Variants in ANKRD12 observed in about 807,000 individuals in gnomAD.
ANKRD12 encodes the protein ankyrin repeat domain 12.
Under a neutral mutation model 183.4 loss-of-function variants are expected in ANKRD12, and 85 were observed. The observed-to-expected ratio is 0.46, with a 90% CI of 0.39 to 0.56. The LOEUF (loss-of-function observed/expected upper bound fraction) is 0.56. ANKRD12 is among the 20% of genes least tolerant of loss of function. The pLI is 0.00. For missense variants in ANKRD12, 2,405 were observed against 2,357.1 expected, an observed-to-expected ratio of 1.02 and a Z score of -0.42; for synonymous variants, 914 against 800.2, an observed-to-expected ratio of 1.14 and a Z score of -2.40.
At chr18:9,157,516 TA>T (rs1462789422) in intron 1 of ANKRD12, among the ~76,000 whole-genome samples, 1 of 151,354 alleles carries the variant, frequency 6.6e-6, no homozygotes, top group African/African-American at 2.4e-5. Flanking sequence ...TGTATTTAAA[TA>T]TAGTTAAAAT....
At chr18:9,264,420 C>T (rs971481667) in intron 10 of ANKRD12, among the ~76,000 whole-genome samples, 1 of 152,140 alleles carries the variant, frequency 6.6e-6, no homozygotes, top group African/African-American at 2.4e-5. Context: ...TTGAGGACCT[C>T]TGAAAATGTG....
At chr18:9,190,044 G>C (rs935170754) in intron 2 of ANKRD12, among the ~76,000 whole-genome samples, 1 of 152,198 alleles carries the variant, frequency 6.6e-6, no homozygotes, top group African/African-American at 2.4e-5. Flanking sequence ...ATCTTGAAAG[G>C]ATTCACCATT....
chr18:9,254,310 T>A lies in ANKRD12; in HGVS notation c.1043T>A (p.Leu348His). 6.2e-7 allele frequency: 1 copy of A among 1,612,842 alleles called. No individual in the cohort carries two copies. The highest frequency in any genetic ancestry group is 8.5e-7 in the Non-Finnish European group (1 of 1,179,442). ...CTCATCTGTGAAAGTAAACAGATAC[T>A]TCCCAGTAAAACACCTCTTCCATCT... is the stretch of plus-strand genomic sequence containing the variant. ...DSLICESKQILPSKTPLPSAL... is the reference protein window; with the variant it reads ...DSLICESKQIHPSKTPLPSAL... The change falls in exon 9 of 13, where the codon CTT (leucine) becomes CAT (histidine). Residue 348 changes from leucine (L) to histidine (H), a missense_variant. By Grantham distance (99) the Leu-to-His change is moderately conservative. Around this residue, in one of 7 missense-constraint regions of ANKRD12, gnomAD observed 1,983 missense variants for 1,725.9 expected, o/e 1.15. Transcript: ENST00000262126.
At chr18:9,279,025 A>G (rs2039983460) in intron 11 of ANKRD12, among the ~76,000 whole-genome samples, 1 of 152,130 alleles carries the variant, frequency 6.6e-6, no homozygotes, top group South Asian at 2.1e-4. Context: ...AGTAAGATAC[A>G]GAGCTGGAAT....
chr18:9,260,856 C>CT (rs2038924432), intron 9 of ANKRD12, among the ~76,000 whole-genome samples: 1 of 152,178 alleles, frequency 6.6e-6, no homozygotes, highest in Admixed American at 6.5e-5. Context: ...TCCTTGGCTT[C>CT]TTTTTTGTAA....
chr18:9,238,399 A>G (rs928262662), intron 8 of ANKRD12, among the ~76,000 whole-genome samples: 2 of 152,220 alleles, frequency 1.3e-5, no homozygotes, highest in African/African-American at 4.8e-5. Flanking sequence ...TCAAACTTAC[A>G]TATTTGGCTG....
At chr18:9,171,192 C>G (rs147207383) in intron 1 of ANKRD12, among the ~76,000 whole-genome samples, 2 of 152,308 alleles carry the variant, frequency 1.3e-5, no homozygotes, top group East Asian at 3.9e-4. Context: ...TGTCAGATCT[C>G]AAGCTGTGTG....
chr18:9,195,491 T>C, intron 2 of ANKRD12, 60 bp from the exon 3 acceptor site: 1 of 1,304,366 alleles, frequency 7.7e-7, no homozygotes, highest in Middle Eastern at 2.6e-4. Context: ...CTTAGGGGTT[T>C]CTATACTGTA....
At chr18:9,213,228 A>C (rs1385770867) in intron 6 of ANKRD12, among the ~76,000 whole-genome samples, 1 of 151,908 alleles carries the variant, frequency 6.6e-6, no homozygotes, top group Non-Finnish European at 1.5e-5. Context: ...TACACCTGGA[A>C]TTTATGTCTT....
intron 10 of ANKRD12, among the ~76,000 whole-genome samples, chr18:9,265,163 G>A (rs2039213687): frequency 6.6e-6 from 1 of 152,254 alleles, no homozygotes; most frequent in Non-Finnish European, 1.5e-5. Flanking sequence ...GCAGCTCAAG[G>A]AGGCCTGCCT....
intron 1 of ANKRD12, among the ~76,000 whole-genome samples, chr18:9,156,137 C>CAA (rs34154495): frequency 0.024 from 2,452 of 103,982 alleles, 104 homozygotes; most frequent in African/African-American, 0.064. Flanking sequence ...GACTCTGTCT[C>CAA]AAAAAAAAAA....
chr18:9,203,299 T>C (rs180811366), intron 3 of ANKRD12, among the ~76,000 whole-genome samples: 1 of 152,316 alleles, frequency 6.6e-6, no homozygotes, highest in Admixed American at 6.5e-5. Flanking sequence ...TGTAAAATTT[T>C]CAAATACGAT....
intron 3 of ANKRD12, among the ~76,000 whole-genome samples, chr18:9,196,635 A>G (rs1416447186): frequency 6.6e-6 from 1 of 152,236 alleles, no homozygotes; most frequent in Non-Finnish European, 1.5e-5. Flanking sequence ...ATTCTATGCT[A>G]ACATAGCTTT....
At chr18:9,141,183 C>A (rs1449569938) in intron 1 of ANKRD12, among the ~76,000 whole-genome samples, 1 of 149,938 alleles carries the variant, frequency 6.7e-6, no homozygotes, top group Non-Finnish European at 1.5e-5. Context: ...AGGCCAGCAA[C>A]CCTTTTTATG....
intron 10 of ANKRD12, among the ~76,000 whole-genome samples, chr18:9,267,316 A>G (rs568993427): frequency 6.6e-6 from 1 of 152,324 alleles, no homozygotes; most frequent in East Asian, 1.9e-4. Context: ...AACAGAATAT[A>G]CATTCTTCTC....
chr18:9,186,883 C>G (rs952642444), intron 2 of ANKRD12, among the ~76,000 whole-genome samples: 1 of 151,630 alleles, frequency 6.6e-6, no homozygotes, highest in Non-Finnish European at 1.5e-5. Context: ...TCCCGAGTAG[C>G]TGGGACTACA....
chr18:9,278,421 G>A (rs922148112), intron 11 of ANKRD12, among the ~76,000 whole-genome samples: 10 of 152,172 alleles, frequency 6.6e-5, no homozygotes, highest in African/African-American at 2.4e-4. Flanking sequence ...AAATAAACTT[G>A]TAATACTTAA....
intron 8 of ANKRD12, among the ~76,000 whole-genome samples, chr18:9,241,209 G>T (rs529722378): frequency 3.3e-5 from 5 of 152,182 alleles, no homozygotes; most frequent in African/African-American, 1.2e-4. Context: ...GGTGTTTTTA[G>T]TATGTCCAAA....
At chr18:9,200,087 C>T (rs1261493994) in intron 3 of ANKRD12, among the ~76,000 whole-genome samples, 1 of 152,142 alleles carries the variant, frequency 6.6e-6, no homozygotes, top group East Asian at 1.9e-4. Flanking sequence ...TGAGAGATTC[C>T]TAGCCTTCAT....
Sources: gnomAD v4.1 joint callset for allele counts (sites outside exome capture counted in the v4.1 genomes callset) on GRCh38, gnomAD v4.1.1 for gene constraint, gnomAD v4.1.1 regional missense constraint, MANE v1.5 for transcripts, NCBI Gene and HGNC (gene_info 2026-07-23, HGNC 2026-07-21) for gene names.